TTC19: variants seen among roughly 807,000 people sequenced by gnomAD.
TTC19 encodes the protein tetratricopeptide repeat domain 19.
A neutral mutation model predicts 49.5 loss-of-function variants in TTC19; 38 were observed. The ratio of observed to expected loss-of-function variants is 0.77; its 90% confidence interval spans 0.59 to 1.01. The LOEUF (loss-of-function observed/expected upper bound fraction) is 1.01, where lower values mean the gene tolerates loss of function less well. Among genes scored for constraint, TTC19 ranks in the 50% least tolerant of loss-of-function variants. The pLI is 0.00. For synonymous variants in TTC19, 204 were observed against 185.2 expected (o/e 1.10, Z -0.83); for missense variants, 475 against 477.7 (o/e 0.99, Z 0.05).
At chr17:16,039,560 A>G (rs1395725608) in intron 2 of TTC19, 1 of 1,614,028 alleles carries the variant, frequency 6.2e-7, no homozygotes, top group Admixed American at 1.7e-5. Flanking sequence ...CAACTTTGTC[A>G]TCAAAGCTTC....
At chr17:16,026,014 G>A (rs925420522) in intron 8 of TTC19, among the ~76,000 whole-genome samples, 1 of 152,022 alleles carries the variant, frequency 6.6e-6, no homozygotes, top group East Asian at 1.9e-4. Flanking sequence ...GGGGAAGTAG[G>A]TATGGAAGTC....
At chr17:16,044,956 G>A in exon 3 of TTC19, 2 of 547,922 alleles carry the variant, frequency 3.7e-6, no homozygotes, top group Non-Finnish European at 6.6e-6. Flanking sequence ...TGGTTGTTTT[G>A]ACTAAATTTC....
chr17:16,027,382 A>T lies in TTC19; in HGVS notation c.1003A>T (p.Thr335Ser). Residue 335 changes from threonine (T) to serine (S), a missense_variant, in exon 10 of 10, where the codon ACA becomes TCA. Physicochemically the swap from Thr to Ser is moderately conservative, Grantham distance 58. Transcript: ENST00000261647. Reference sequence around the variant, plus strand: ...TCTCTGGGTTATTTTAGAACGATATACACAAGCAAAAGAGATCTACCAGGA... The same window carrying T: ...TCTCTGGGTTATTTTAGAACGATATTCACAAGCAAAAGAGATCTACCAGGA... ...AAVLMHRERY[T>S]QAKEIYQEAL... 1.2e-6 allele frequency: 2 copies of T among 1,614,076 alleles called. No homozygotes were observed. Among genetic ancestry groups the T allele is most frequent in the Non-Finnish European group, 1.7e-6 (2 of 1,179,932 alleles).
downstream of TTC19, chr17:16,031,898 G>A (rs772405306): frequency 1.7e-5 from 4 of 237,796 alleles, no homozygotes; most frequent in East Asian, 6.0e-5. Flanking sequence ...CAAAGTTGAT[G>A]CGCTGATTTG....
At chr17:16,004,395 C>T (rs954629658) in intron 6 of TTC19, 133 bp downstream of exon 6, 30 of 866,220 alleles carry the variant, frequency 3.5e-5, no homozygotes, top group Admixed American at 9.6e-5. Flanking sequence ...TTCCATCCCT[C>T]ATCTTTGAAA....
intron 8 of TTC19, 79 bp downstream of exon 8, chr17:16,025,250 G>T: frequency 6.8e-7 from 1 of 1,473,216 alleles, no homozygotes; most frequent in Non-Finnish European, 9.3e-7. Context: ...ACACTCATTG[G>T]TAACAGGATC....
At chr17:16,044,780 G>A in exon 3 of TTC19, 1 of 1,041,028 alleles carries the variant, frequency 9.6e-7, no homozygotes, top group Non-Finnish European at 1.5e-6. Flanking sequence ...CCTGGCCAAT[G>A]TCAACATTGG....
At chr17:16,006,404 C>T (rs1295460019) in intron 6 of TTC19, 70 bp from the exon 7 acceptor site, 2 of 1,154,764 alleles carry the variant, frequency 1.7e-6, no homozygotes, top group African/African-American at 3.0e-5. Context: ...GAGCGAAACT[C>T]CATCTCAACA....
Position 16,002,787 on chromosome 17 carries a change from T to C in TTC19, c.424-6T>C, listed in dbSNP as rs1567576901. ...AACTGAAAAACAATTTGTAATTTGC[T>C]TTCAGATGGCCAACTTAGCATTTAT... On this transcript the variant is annotated splice_region_variant and splice_polypyrimidine_tract_variant and intron_variant, in intron 3 of 9. Coordinates refer to ENST00000261647, the MANE Select transcript of TTC19 (RefSeq NM_017775.4). 1 of 1,613,832 alleles carries C rather than the reference T, an allele frequency of 6.2e-7. No individual in the cohort carries two copies.
chr17:16,027,218 A>T, intron 9 of TTC19, 156 bp from the exon 10 acceptor site: 1 of 844,902 alleles, frequency 1.2e-6, no homozygotes, highest in Non-Finnish European at 1.9e-6. Flanking sequence ...GTGGAGTTCC[A>T]GCCTGTCAGA....
chr17:16,026,533 C>T lies in TTC19; in HGVS notation c.832-7C>T. On this transcript the variant is annotated splice_region_variant and splice_polypyrimidine_tract_variant and intron_variant, in intron 8 of 9. Transcript: ENST00000261647. ...AAAGAAAAAATTGTTTTTTCTTTTACATACAGACCATTGTGCTGATGAGTG... is the reference window on the plus strand; with the variant it reads ...AAAGAAAAAATTGTTTTTTCTTTTATATACAGACCATTGTGCTGATGAGTG... 8 of 1,613,770 alleles carry T rather than the reference C, an allele frequency of 5.0e-6. No homozygotes were observed. The highest frequency in any genetic ancestry group is 1.7e-4 in the Middle Eastern group (1 of 6,060).
chr17:16,039,561 T>C, intron 2 of TTC19: 5 of 1,614,178 alleles, frequency 3.1e-6, no homozygotes, highest in Non-Finnish European at 4.2e-6. Context: ...AACTTTGTCA[T>C]CAAAGCTTCC....
chr17:16,040,891 A>G (rs1019007291), intron 2 of TTC19: 1 of 188,868 alleles, frequency 5.3e-6, no homozygotes, highest in Non-Finnish European at 1.1e-5. Context: ...ATAAATAAAT[A>G]AAAAAAGAAG....
intron 9 of TTC19, 110 bp from the exon 10 acceptor site, chr17:16,027,264 C>T: frequency 3.8e-6 from 5 of 1,314,408 alleles, no homozygotes; most frequent in Non-Finnish European, 5.4e-6. Context: ...CTTGTCGCTT[C>T]ATAAGCACAC....
At position 16,002,978 on chromosome 17, in the gene TTC19, T is replaced by C. The variant is rs901087433; in HGVS notation, c.462+147T>C. The C allele has an allele frequency of 6.1e-6, 5 of 823,676 alleles. No homozygotes were observed. In the African/African-American group the frequency reaches 6.8e-5, roughly 11 times the overall value. The allele number at this position is 823,676 out of a possible 1,614,324, so 51.0% of individuals were successfully genotyped here. A position where few individuals can be genotyped will look rare whatever the true frequency, so the allele number is the denominator to read the frequency against. On this transcript the variant is annotated intron_variant, in intron 4 of 9. Coordinates refer to ENST00000261647, the MANE Select transcript of TTC19 (RefSeq NM_017775.4). ...AAGATAAAAGTGTATTTCTCTTTAT[T>C]GTGTTAGTCCAGAGATAGGCTAAAG...
Position 16,026,606 on chromosome 17 carries a change from A to G in TTC19, c.898A>G (p.Ile300Val). 6.2e-7 allele frequency: 1 copy of G among 1,614,096 alleles called. No individual in the cohort carries two copies. Among genetic ancestry groups the G allele is most frequent in the South Asian group, 1.1e-5 (1 of 91,072 alleles). ...DAQGRFDEAY[I>V]YMQRASDLAR... ...ACAGGGCCGCTTTGATGAGGCCTAT[A>G]TTTATATGCAAAGGGCATCAGATCT... The change falls in exon 9 of 10, where the codon ATT becomes GTT. Residue 300 changes from isoleucine to valine, a missense_variant. Transcript: ENST00000261647.
rs370892698 is a variant in TTC19 at position 16,038,428 on chromosome 17, T to C, written c.248-6075T>C. On this transcript the variant is annotated intron_variant, in intron 2 of 2. Coordinates refer to the TTC19 transcript ENST00000470649. ...GAACTGTTTCTTTTTCTTCCCTTTT[T>C]CCTACTCTTTTTTTTTTTCCTTTTT... Among the ~76,000 whole-genome samples, 1,280 of 134,894 alleles carry C rather than the reference T, an allele frequency of 9.5e-3. 17 individuals carry two copies. Among genetic ancestry groups the C allele is most frequent in the African/African-American group, 0.035 (1,232 of 35,254 alleles). 88.5% of individuals were successfully genotyped at this position (134,894 alleles called of 152,430 possible). A position where few individuals can be genotyped will look rare whatever the true frequency, so the allele number is the denominator to read the frequency against.
chr17:16,003,737 T>C, intron 4 of TTC19, 94 bp from the exon 5 acceptor site: 1 of 1,133,532 alleles, frequency 8.8e-7, no homozygotes. Context: ...TTACAAGGAA[T>C]GTTGCATCAG....
chr17:16,044,353 A>G, intron 2 of TTC19: 2 of 470,212 alleles, frequency 4.3e-6, no homozygotes, highest in Non-Finnish European at 8.8e-6. Context: ...TTGGTGTTCA[A>G]CATTTATTAA....
Sources: gnomAD v4.1 joint callset for allele counts (sites outside exome capture counted in the v4.1 genomes callset) on GRCh38, gnomAD v4.1.1 for gene constraint, MANE v1.5 for transcripts, NCBI Gene and HGNC (gene_info 2026-07-23, HGNC 2026-07-21) for gene names.